Variants in MAP2 observed in about 807,000 individuals in gnomAD.
The protein encoded by MAP2 is microtubule-associated protein 2.
A neutral mutation model predicts 137.6 loss-of-function variants in MAP2; 14 were observed. The ratio of observed to expected loss-of-function variants is 0.10; its 90% confidence interval spans 0.07 to 0.16. The LOEUF (loss-of-function observed/expected upper bound fraction) is 0.16. Among genes scored for constraint, MAP2 ranks in the 10% least tolerant of loss-of-function variants. The pLI, the probability that MAP2 is intolerant of heterozygous loss-of-function variation, is 1.00. For synonymous variants in MAP2, 786 were observed against 782.3 expected, an observed-to-expected ratio of 1.00 and a Z score of -0.08; for missense variants, 2,088 against 2,191.5, an observed-to-expected ratio of 0.95 and a Z score of 0.94.
At chr2:209,659,701 C>G (rs539451355) in intron 5 of MAP2, among the ~76,000 whole-genome samples, 4 of 151,750 alleles carry the variant, frequency 2.6e-5, no homozygotes, top group African/African-American at 9.7e-5. Flanking sequence ...TGATTTTTGA[C>G]TATCTTGAAG....
chr2:209,683,930 A>G (rs937069850), intron 7 of MAP2, among the ~76,000 whole-genome samples: 1 of 152,138 alleles, frequency 6.6e-6, no homozygotes, highest in Non-Finnish European at 1.5e-5. Flanking sequence ...CTAAAAATTT[A>G]AGATGTTAAT....
chr2:209,461,899 T>C (rs181627182), intron 1 of MAP2, among the ~76,000 whole-genome samples: 3 of 152,318 alleles, frequency 2.0e-5, no homozygotes, highest in Admixed American at 1.3e-4. Context: ...GAATTTCCCT[T>C]TTTCTTCTGA....
chr2:209,495,530 A>T (rs1407283531), intron 1 of MAP2, among the ~76,000 whole-genome samples: 1 of 152,240 alleles, frequency 6.6e-6, no homozygotes, highest in Non-Finnish European at 1.5e-5. Context: ...TCTGCTGGTG[A>T]TACCCAGGCA....
In MAP2 at chr2:209,451,145, C is replaced by A. The variant is rs139807463; in HGVS notation, c.-222+26869C>A. 3.5e-3 allele frequency among the ~76,000 whole-genome samples: 529 copies of A among 152,086 alleles called. 5 individuals are homozygous for A. Among genetic ancestry groups the A allele is most frequent in the Middle Eastern group, 0.02 (6 of 294 alleles). ...TCCTCTGATACTGATATAAGATACA[C>A]CTAGATACAGAAGGTTCTATAACAT... On this transcript the variant is annotated intron_variant, in intron 1 of 15. Coordinates refer to ENST00000682079, the MANE Select transcript of MAP2 (RefSeq NM_001375505.1).
intron 14 of MAP2, among the ~76,000 whole-genome samples, chr2:209,727,845 T>C (rs1240753555): frequency 2.6e-5 from 4 of 152,240 alleles, no homozygotes; most frequent in Admixed American, 2.0e-4. Flanking sequence ...TAAGAATTTC[T>C]AGAGGGACTT....
chr2:209,440,591 A>G (rs1697515747), intron 1 of MAP2, among the ~76,000 whole-genome samples: 1 of 151,486 alleles, frequency 6.6e-6, no homozygotes, highest in African/African-American at 2.4e-5. Context: ...TTTTACACAA[A>G]TCAGTCATCT....
At chr2:209,495,598 G>A (rs1221223186) in intron 1 of MAP2, among the ~76,000 whole-genome samples, 2 of 152,212 alleles carry the variant, frequency 1.3e-5, no homozygotes, top group Non-Finnish European at 2.9e-5. Context: ...AGAGGGACCT[G>A]ACTGTCAGAA....
At chr2:209,705,281 T>C in intron 11 of MAP2, 1 of 191,042 alleles carries the variant, frequency 5.2e-6, no homozygotes. Flanking sequence ...GATTTTTCAA[T>C]AAAATTAGTA....
rs547870601 is a variant in MAP2, at chr2:209,531,363, G to A, written c.-172+23722G>A. On this transcript the variant is annotated intron_variant, in intron 2 of 15. Transcript: ENST00000682079. ...TTTTTCCTCATTATTTAATAGCATA[G>A]CCTTCTAAAGCCATTTAATTTGAGA... 5.7e-4 allele frequency among the ~76,000 whole-genome samples: 86 copies of A among 152,196 alleles called. 2 individuals carry two copies. In the South Asian group the frequency reaches 0.018, roughly 31 times the overall value.
intron 1 of MAP2, among the ~76,000 whole-genome samples, chr2:209,478,332 C>T (rs1707874732): frequency 6.6e-6 from 1 of 152,064 alleles, no homozygotes; most frequent in Non-Finnish European, 1.5e-5. Context: ...ATGGAGATAA[C>T]CATAATATTA....
At chr2:209,627,778 A>G (rs2092545262) in intron 4 of MAP2, among the ~76,000 whole-genome samples, 1 of 152,182 alleles carries the variant, frequency 6.6e-6, no homozygotes, top group Non-Finnish European at 1.5e-5. Flanking sequence ...AACCACGAAG[A>G]TTAATTTAGT....
At chr2:209,434,874 TTATATATATGTTA>T (rs1695403670) in intron 1 of MAP2, among the ~76,000 whole-genome samples, 9 of 93,178 alleles carry the variant, frequency 9.7e-5, no homozygotes, top group South Asian at 3.4e-4. Flanking sequence ...TATATATATG[TTATATATATGTTA>T]TATATATGTT....
At chr2:209,517,719 T>G (rs1197421474) in intron 2 of MAP2, among the ~76,000 whole-genome samples, 1 of 151,970 alleles carries the variant, frequency 6.6e-6, no homozygotes, top group Non-Finnish European at 1.5e-5. Flanking sequence ...ATCCTAGTCA[T>G]TAGCTAACAT....
intron 5 of MAP2, among the ~76,000 whole-genome samples, chr2:209,676,522 T>G (rs985357730): frequency 6.6e-6 from 1 of 151,552 alleles, no homozygotes. Context: ...GCTGCACATG[T>G]ACCCCTGAAC....
chr2:209,435,940 A>C lies in MAP2; in HGVS notation c.-222+11664A>C, dbSNP rs796721773. The stretch of plus-strand genomic sequence containing the variant: ...GCCAAATATATATATTATATATATA[A>C]TATATACTATATATACAGTATATAT... On this transcript the variant is annotated intron_variant, in intron 1 of 15. Transcript: ENST00000682079. Among the ~76,000 whole-genome samples the C allele has an allele frequency of 2.2e-5, 3 of 138,642 alleles. No individual in the cohort carries two copies. The East Asian group carries it at 6.6e-4, about 31-fold the overall frequency. 91.0% of individuals were successfully genotyped at this position (138,642 alleles called of 152,430 possible). A position where few individuals can be genotyped will look rare whatever the true frequency, so the allele number is the denominator to read the frequency against.
rs1491483608 is a variant in MAP2, at chr2:209,424,159, TTC to T, written c.-338_-337del. The stretch of plus-strand genomic sequence containing the variant: ...TTCTTTCTCTTCCTTCTCCTTCTTT[TTC>T]CCCCCCCTCCCCTTCTTCCCCTAAC... On this transcript the variant is annotated 5_prime_UTR_variant, in exon 1 of 16. Coordinates refer to ENST00000682079, the MANE Select transcript of MAP2 (RefSeq NM_001375505.1). The T allele has an allele frequency of 2.9e-5, 3 of 103,110 alleles. No homozygotes were observed. Among genetic ancestry groups the T allele is most frequent in the African/African-American group, 1.3e-4 (2 of 15,274 alleles). 6.4% of individuals were successfully genotyped at this position (103,110 alleles called of 1,614,324 possible).
Position 209,696,208 on chromosome 2 carries a change from T to G in MAP2, c.4038T>G (p.Gly1346=). The G allele has an allele frequency of 6.2e-7, 1 of 1,613,788 alleles. No individual in the cohort carries two copies. Among genetic ancestry groups the G allele is most frequent in the Non-Finnish European group, 8.5e-7 (1 of 1,179,894 alleles). ...AAGCCCAGGCAGAACCCAAAGATGG[T>G]TCCCCAGAGGCTCCAGCTTCCCCTG... is the stretch of plus-strand genomic sequence containing the variant. ...AAEAQAEPKD[G]SPEAPASPER... is the part of the protein sequence containing the mutation. The change falls in exon 8 of 16, where the codon GGT becomes GGG. Residue 1346 remains glycine, a synonymous_variant. Coordinates refer to ENST00000682079, the MANE Select transcript of MAP2 (RefSeq NM_001375505.1).
Position 209,500,083 on chromosome 2 carries a change from T to G in MAP2, c.-221-7509T>G, listed in dbSNP as rs191851420. 2.6e-3 allele frequency among the ~76,000 whole-genome samples: 401 copies of G among 152,284 alleles called. 1 individual carries two copies. The highest frequency in any genetic ancestry group is 9.3e-3 in the African/African-American group (387 of 41,562). ...ACCTGAATTGTGTCTTCATTACCAT[T>G]CACCTGGACTTCTGAAGGAGCCACT... On this transcript the variant is annotated intron_variant, in intron 1 of 15. Coordinates refer to ENST00000682079, the MANE Select transcript of MAP2 (RefSeq NM_001375505.1).
intron 3 of MAP2, among the ~76,000 whole-genome samples, chr2:209,602,838 C>A (rs1252099915): frequency 6.6e-6 from 1 of 152,154 alleles, no homozygotes; most frequent in Non-Finnish European, 1.5e-5. Flanking sequence ...TTATAATTCT[C>A]TACCAAATCT....
Sources: allele counts gnomAD v4.1 joint callset (sites outside exome capture counted in the v4.1 genomes callset), GRCh38; gene constraint gnomAD v4.1.1; transcripts MANE v1.5; gene names NCBI Gene and HGNC (gene_info 2026-07-23, HGNC 2026-07-21).